POLN: variants seen among roughly 807,000 people sequenced by gnomAD.
POLN encodes the protein DNA polymerase N.
POLN carries 108 observed loss-of-function variants against 113.5 expected under a neutral mutation model. The observed-to-expected ratio is 0.95, with a 90% confidence interval of 0.81 to 1.12. POLN has a LOEUF of 1.12. POLN is among the 50% of genes most tolerant of loss of function. The pLI, the probability that POLN is intolerant of heterozygous loss-of-function variation, is 0.00. For missense variants in POLN, 1,097 were observed against 1,077.1 expected, an observed-to-expected ratio of 1.02 and a Z score of -0.26; for synonymous variants, 386 against 391.5, an observed-to-expected ratio of 0.99 and a Z score of 0.17.
intron 23 of POLN, among the ~76,000 whole-genome samples, 198 bp from the exon 24 acceptor site, chr4:2,075,717 C>G (rs1001054902): frequency 1.8e-4 from 28 of 152,192 alleles, no homozygotes; most frequent in African/African-American, 6.8e-4. Context: ...GATGTGGCTC[C>G]GTGAGGCATG....
intron 19 of POLN, among the ~76,000 whole-genome samples, chr4:2,108,890 A>C (rs1731129825): frequency 6.6e-6 from 1 of 152,110 alleles, no homozygotes; most frequent in African/African-American, 2.4e-5. Context: ...AGGCATGCAA[A>C]GACACTTTCC....
At chr4:2,130,720 T>C (rs374218024) in intron 17 of POLN, among the ~76,000 whole-genome samples, 2 of 152,136 alleles carry the variant, frequency 1.3e-5, no homozygotes, top group African/African-American at 2.4e-5. Context: ...CTGATATAAT[T>C]ATCATCCATT....
chr4:2,143,634 C>A (rs1206154468), intron 16 of POLN, among the ~76,000 whole-genome samples: 1 of 152,040 alleles, frequency 6.6e-6, no homozygotes, highest in East Asian at 1.9e-4. Context: ...GAATTAACAC[C>A]AATTCCACGA....
intron 13 of POLN, among the ~76,000 whole-genome samples, chr4:2,168,671 C>T (rs1732788092): frequency 6.6e-6 from 1 of 152,218 alleles, no homozygotes; most frequent in African/African-American, 2.4e-5. Flanking sequence ...GAGGTGAGCT[C>T]AGGTGCAGGT....
At chr4:2,138,335 A>T (rs2108729718) in intron 16 of POLN, among the ~76,000 whole-genome samples, 1 of 152,292 alleles carries the variant, frequency 6.6e-6, no homozygotes, top group South Asian at 2.1e-4. Context: ...GAGCTCTGGG[A>T]GCCACTGGAG....
At chr4:2,133,954 T>C (rs576918773) in intron 16 of POLN, among the ~76,000 whole-genome samples, 1 of 152,346 alleles carries the variant, frequency 6.6e-6, no homozygotes, top group Admixed American at 6.5e-5. Flanking sequence ...CATAGTATCA[T>C]ACAAAATAGT....
rs367811366 is a variant in POLN at position 2,072,207 on chromosome 4, G to T, written c.2610C>A (p.Arg870=). Residue 870 remains arginine, a synonymous_variant, in exon 26 of 26, where the codon CGC becomes CGA. Coordinates refer to ENST00000511885, the MANE Select transcript of POLN (RefSeq NM_181808.4). ...EAWGPPPGPC[R]TESPSNSLAA... Reference sequence around the variant, plus strand: ...CCAGGCTGTTGCTGGGAGACTCAGTGCGACATGGGCCTGGCGGAGGGCCCC... The same window carrying T: ...CCAGGCTGTTGCTGGGAGACTCAGTTCGACATGGGCCTGGCGGAGGGCCCC... 4.4e-6 allele frequency: 7 copies of T among 1,609,098 alleles called. No homozygotes were observed. The African/African-American group carries it at 8.0e-5, about 18-fold the overall frequency.
chr4:2,093,476 G>A lies in POLN; in HGVS notation c.2065+2375C>T, dbSNP rs1730712458. ...GAGGAGATGGCACAGGGAGGCGGAG[G>A]GCCTTGCACAAGGCCACACAGTCAG... is the stretch of plus-strand genomic sequence containing the variant. On this transcript the variant is annotated intron_variant, in intron 20 of 25. Transcript: ENST00000511885. This position sits in a 1 kb window ranked among gnomAD's most constrained non-coding sequence, Gnocchi z 4.1. 6.6e-6 allele frequency among the ~76,000 whole-genome samples: 1 copy of A among 152,198 alleles called. No homozygotes were observed. Among genetic ancestry groups the A allele is most frequent in the Non-Finnish European group, 1.5e-5 (1 of 68,040 alleles).
rs776050312 is a variant in POLN, at chr4:2,179,436, T to C, written c.1051A>G (p.Ile351Val). 43 of 1,613,906 alleles carry C rather than the reference T, an allele frequency of 2.7e-5. No homozygotes were observed. The East Asian group carries it at 9.1e-4, about 34-fold the overall frequency. ...VADFIGLDPRIAAWLIDPSDA... is the reference protein window; with the variant it reads ...VADFIGLDPRVAAWLIDPSDA... ...CTAGGATCTATAAGCCATGCAGCAATTCTGGGATCTAGCCCTATAAAATCA... is the reference window on the plus strand; with the variant it reads ...CTAGGATCTATAAGCCATGCAGCAACTCTGGGATCTAGCCCTATAAAATCA... Residue 351 changes from isoleucine (I) to valine (V), a missense_variant, in exon 8 of 26, where the codon ATT becomes GTT. Transcript: ENST00000511885.
intron 2 of POLN, 194 bp from the exon 3 acceptor site, chr4:2,229,437 C>G: frequency 2.3e-6 from 1 of 443,082 alleles, no homozygotes. Flanking sequence ...GAGGCTTAAT[C>G]CAGGTATCAT....
At chr4:2,232,009 A>T in intron 2 of POLN, 1 of 1,506,988 alleles carries the variant, frequency 6.6e-7, no homozygotes, top group Non-Finnish European at 9.2e-7. Flanking sequence ...TTCATCTTTT[A>T]AAAAATATAC....
intron 19 of POLN, among the ~76,000 whole-genome samples, chr4:2,108,045 T>G (rs962401721): frequency 6.6e-6 from 1 of 152,214 alleles, no homozygotes; most frequent in Non-Finnish European, 1.5e-5. Context: ...CTTCCTCTGT[T>G]GGATTTCTCC....
chr4:2,182,761 G>T (rs1412683255), intron 7 of POLN, among the ~76,000 whole-genome samples: 1 of 151,118 alleles, frequency 6.6e-6, no homozygotes, highest in African/African-American at 2.4e-5. Context: ...TTAAACAATA[G>T]TTTCTTAGAT....
intron 19 of POLN, among the ~76,000 whole-genome samples, chr4:2,111,889 A>G (rs1480184789): frequency 6.6e-6 from 1 of 152,206 alleles, no homozygotes; most frequent in Non-Finnish European, 1.5e-5. Flanking sequence ...GGAAAAAACT[A>G]AAGTCCATAT....
chr4:2,073,498 A>C (rs1168089732), intron 24 of POLN, among the ~76,000 whole-genome samples: 4 of 152,176 alleles, frequency 2.6e-5, no homozygotes, highest in Admixed American at 2.6e-4. Context: ...CCCCATCCCC[A>C]CTACTGCCCG....
In POLN at chr4:2,123,457, C is replaced by G. The variant is rs142005482; in HGVS notation, c.1982+4656G>C. The stretch of plus-strand genomic sequence containing the variant: ...CCTGGCCAACATAGTGGAACCCTCT[C>G]ACTACTAAAATTACAAAAATTAGCT... On this transcript the variant is annotated intron_variant, in intron 19 of 25. Coordinates refer to ENST00000511885, the MANE Select transcript of POLN (RefSeq NM_181808.4). Among the ~76,000 whole-genome samples the G allele has an allele frequency of 2.0e-3, 310 of 151,884 alleles. 2 individuals carry two copies. Among genetic ancestry groups the G allele is most frequent in the African/African-American group, 7.1e-3 (292 of 41,406 alleles).
Position 2,124,225 on chromosome 4 carries a change from G to A in POLN, c.1982+3888C>T, listed in dbSNP as rs552859214. ...TGGGAGTGGTGGTTAATGGGCATGA[G>A]TTTTCTTTTTGGGGTGATCGAAATG... On this transcript the variant is annotated intron_variant, in intron 19 of 25. Coordinates refer to ENST00000511885, the MANE Select transcript of POLN (RefSeq NM_181808.4). Among the ~76,000 whole-genome samples the A allele has an allele frequency of 5.9e-5, 9 of 152,254 alleles. No individual in the cohort carries two copies. In the South Asian group the frequency reaches 6.2e-4, roughly 11 times the overall value.
intron 19 of POLN, among the ~76,000 whole-genome samples, chr4:2,115,228 A>ATATATTTTT (rs72052264): frequency 4.6e-5 from 6 of 129,988 alleles, no homozygotes; most frequent in African/African-American, 1.8e-4. Context: ...ATATATATAT[A>ATATATTTTT]TTTTTTTTTT....
At chr4:2,150,454 T>C (rs953415356) in intron 16 of POLN, among the ~76,000 whole-genome samples, 12 of 152,180 alleles carry the variant, frequency 7.9e-5, no homozygotes, top group Non-Finnish European at 1.8e-4. Flanking sequence ...CTCAGCAGGC[T>C]TTTTTGTAAA....
Sources: gnomAD v4.1 joint callset for allele counts (sites outside exome capture counted in the v4.1 genomes callset) on GRCh38, gnomAD v4.1.1 for gene constraint, Gnocchi (gnomAD v3.1) non-coding constraint, MANE v1.5 for transcripts, NCBI Gene and HGNC (gene_info 2026-07-23, HGNC 2026-07-21) for gene names.